Variants in SLC30A6 observed in about 807,000 individuals in gnomAD.
SLC30A6 encodes solute carrier family 30 member 6.
Under a neutral mutation model 63.0 loss-of-function variants are expected in SLC30A6, and 55 were observed. That is an observed-to-expected ratio of 0.87 (90% CI 0.70 to 1.09). SLC30A6 has a LOEUF of 1.09. SLC30A6 is among the 50% of genes least tolerant of loss of function. SLC30A6 has a pLI of 0.00. For missense variants in SLC30A6, 587 were observed against 549.2 expected, an observed-to-expected ratio of 1.07 and a Z score of -0.69; for synonymous variants, 224 against 186.1, an observed-to-expected ratio of 1.20 and a Z score of -1.66.
At chr2:32,203,241 G>T in intron 10 of SLC30A6, 2 of 988,192 alleles carry the variant, frequency 2.0e-6, no homozygotes, top group Non-Finnish European at 3.3e-6. Flanking sequence ...CGCACAGGTA[G>T]AGCTGGACAG....
At chr2:32,196,044 G>A (rs1284416897) in intron 8 of SLC30A6, among the ~76,000 whole-genome samples, 1 of 152,164 alleles carries the variant, frequency 6.6e-6, no homozygotes, top group Non-Finnish European at 1.5e-5. Context: ...GCTGGGTCTG[G>A]TGGCTCACAC....
intron 1 of SLC30A6, among the ~76,000 whole-genome samples, chr2:32,169,635 C>T (rs75497994): frequency 0.067 from 10,185 of 151,984 alleles, 356 homozygotes; most frequent in Middle Eastern, 0.13. Context: ...AAAAATTAGC[C>T]GGGCGTGGTG....
At chr2:32,209,856 TTAATGA>T (rs887160634) in intron 13 of SLC30A6, among the ~76,000 whole-genome samples, 1 of 152,162 alleles carries the variant, frequency 6.6e-6, no homozygotes, top group African/African-American at 2.4e-5. Context: ...ATCAAACATG[TTAATGA>T]TAATAATACA....
At chr2:32,166,982 CT>C (rs527842159) in intron 1 of SLC30A6, among the ~76,000 whole-genome samples, 66 of 146,816 alleles carry the variant, frequency 4.5e-4, no homozygotes, top group Middle Eastern at 3.5e-3. Flanking sequence ...AAATTTTCTC[CT>C]TTTTTTTTTT....
intron 11 of SLC30A6, among the ~76,000 whole-genome samples, chr2:32,205,551 G>A (rs756814439): frequency 6.6e-6 from 1 of 151,710 alleles, no homozygotes; most frequent in Non-Finnish European, 1.5e-5. Flanking sequence ...GTCAGAACCT[G>A]ATGAAAGTCC....
At chr2:32,204,283 TCTAGTTGA>T (rs1476048112) in intron 10 of SLC30A6, among the ~76,000 whole-genome samples, 2 of 152,228 alleles carry the variant, frequency 1.3e-5, no homozygotes, top group African/African-American at 4.8e-5. Flanking sequence ...TTCAGCTCTT[TCTAGTTGA>T]CAGATAGTTT....
Position 32,179,699 on chromosome 2 carries a change from T to C in SLC30A6, c.218+4338T>C, listed in dbSNP as rs184632165. ...AAAGCAAGATACACAACAGTGTATA[T>C]AGTATGCTGCAATTTGTATTAAAAA... is the stretch of plus-strand genomic sequence containing the variant. On this transcript the variant is annotated intron_variant, in intron 4 of 13. Coordinates refer to ENST00000282587, the MANE Select transcript of SLC30A6 (RefSeq NM_017964.5). 1.6e-4 allele frequency among the ~76,000 whole-genome samples: 24 copies of C among 152,282 alleles called. No individual in the cohort carries two copies. The Middle Eastern group carries it at 0.014, about 86-fold the overall frequency.
intron 1 of SLC30A6, among the ~76,000 whole-genome samples, chr2:32,169,332 C>T (rs1483358947): frequency 6.6e-6 from 1 of 152,068 alleles, no homozygotes; most frequent in Non-Finnish European, 1.5e-5. Flanking sequence ...CTATGCCTGG[C>T]TAATTTTTTT....
At chr2:32,166,226 A>C (rs965271290) in intron 1 of SLC30A6, among the ~76,000 whole-genome samples, 5 of 152,150 alleles carry the variant, frequency 3.3e-5, no homozygotes, top group African/African-American at 1.2e-4. Flanking sequence ...CAACTAGGCC[A>C]CCAACAAAAG....
intron 4 of SLC30A6, among the ~76,000 whole-genome samples, chr2:32,179,934 C>T (rs1220594203): frequency 2.0e-5 from 3 of 152,002 alleles, no homozygotes; most frequent in East Asian, 1.9e-4. Context: ...ATAAATAAAA[C>T]GCCAATTTAA....
Position 32,224,263 on chromosome 2 carries a change from G to A in SLC30A6, c.*3550G>A. The A allele has an allele frequency of 4.0e-6, 2 of 500,026 alleles. No individual in the cohort carries two copies. The highest frequency in any genetic ancestry group is 7.0e-6 in the Non-Finnish European group (2 of 285,032). 31.0% of individuals were successfully genotyped at this position (500,026 alleles called of 1,614,324 possible). ...CCAGTTGGTGTGACCCAGACCAAAG[G>A]TAACACAAAGATGAATGAGAATTCC... On this transcript the variant is annotated 3_prime_UTR_variant, in exon 14 of 14. Transcript: ENST00000282587.
chr2:32,201,927 A>G lies in SLC30A6; in HGVS notation c.666-2663A>G, dbSNP rs1684324945. On this transcript the variant is annotated intron_variant, in intron 10 of 13. Coordinates refer to ENST00000282587, the MANE Select transcript of SLC30A6 (RefSeq NM_017964.5). ...TTAAAATGAAAGAGAAGCTAAATGG[A>G]GACACTGAAGAAGGATTTAATAGAC... The G allele has an allele frequency of 3.4e-6, 5 of 1,476,824 alleles. No homozygotes were observed. In the Admixed American group the frequency reaches 9.7e-5, roughly 29 times the overall value. The allele number at this position is 1,476,824 out of a possible 1,614,324, so 91.5% of individuals were successfully genotyped here. A position where few individuals can be genotyped will look rare whatever the true frequency, so the allele number is the denominator to read the frequency against.
intron 11 of SLC30A6, among the ~76,000 whole-genome samples, chr2:32,205,032 C>G (rs544969312): frequency 1.3e-5 from 2 of 152,184 alleles, no homozygotes; most frequent in East Asian, 3.9e-4. Context: ...AGGCTGATCT[C>G]AAACTCCTGG....
At chr2:32,213,805 T>TTTTTTG (rs1333135879) in intron 13 of SLC30A6, among the ~76,000 whole-genome samples, 1 of 126,362 alleles carries the variant, frequency 7.9e-6, no homozygotes, top group Non-Finnish European at 1.7e-5. Context: ...ACTTTTTTTT[T>TTTTTTG]TTTTTGTTTT....
At chr2:32,188,573 C>T (rs1430692708) in intron 5 of SLC30A6, among the ~76,000 whole-genome samples, 3 of 152,000 alleles carry the variant, frequency 2.0e-5, no homozygotes, top group Middle Eastern at 3.2e-3. Context: ...GCGAGCCTGT[C>T]GTCCCACCTA....
intron 5 of SLC30A6, among the ~76,000 whole-genome samples, chr2:32,190,294 A>G (rs919805749): frequency 6.6e-5 from 10 of 151,974 alleles, no homozygotes; most frequent in African/African-American, 2.2e-4. Flanking sequence ...CCCCATCTCT[A>G]CTAAAAATAC....
intron 5 of SLC30A6, among the ~76,000 whole-genome samples, chr2:32,190,912 C>T (rs915414253): frequency 7.2e-5 from 11 of 152,256 alleles, no homozygotes; most frequent in Admixed American, 2.0e-4. Context: ...TGTGAGTCAC[C>T]GCGCCTGGCT....
chr2:32,202,828 C>G, intron 10 of SLC30A6: 1 of 807,966 alleles, frequency 1.2e-6, no homozygotes, highest in East Asian at 2.4e-5. Context: ...TGAGTGAAAT[C>G]CAGATACGAA....
chr2:32,201,648 T>G (rs1684306916), intron 10 of SLC30A6: 1 of 1,514,250 alleles, frequency 6.6e-7, no homozygotes, highest in Non-Finnish European at 9.0e-7. Flanking sequence ...GGAAGCACCC[T>G]TGGAGGAGTC....
Sources: allele counts gnomAD v4.1 joint callset (sites outside exome capture counted in the v4.1 genomes callset), GRCh38; gene constraint gnomAD v4.1.1; transcripts MANE v1.5; gene names NCBI Gene and HGNC (gene_info 2026-07-23, HGNC 2026-07-21).